Variants in KAT6B observed in about 807,000 individuals in gnomAD.
KAT6B encodes lysine acetyltransferase 6B, also known as histone acetyltransferase KAT6B.
In KAT6B, 10 loss-of-function variants were observed where a neutral mutation model predicts 187.5. The observed-to-expected ratio is 0.05, with a 90% CI of 0.03 to 0.09. The LOEUF is 0.09. KAT6B is among the 10% of genes least tolerant of loss of function. The pLI is 1.00. For missense variants in KAT6B, 1,952 were observed against 2,558.9 expected, an observed-to-expected ratio of 0.76 and a Z score of 5.12; for synonymous variants, 861 against 926.8, an observed-to-expected ratio of 0.93 and a Z score of 1.29.
chr10:75,018,723 G>A (rs1845171969), intron 13 of KAT6B, among the ~76,000 whole-genome samples: 1 of 152,204 alleles, frequency 6.6e-6, no homozygotes, highest in South Asian at 2.1e-4. Context: ...TTTCAGCAAG[G>A]CTGAGAGGAG....
intron 3 of KAT6B, among the ~76,000 whole-genome samples, chr10:74,861,012 C>T (rs1001037377): frequency 6.6e-6 from 1 of 152,152 alleles, no homozygotes; most frequent in Non-Finnish European, 1.5e-5. Context: ...TGGCACATGC[C>T]TGTAATCCCA....
chr10:74,871,878 G>A (rs1225549016), intron 3 of KAT6B, among the ~76,000 whole-genome samples: 3 of 152,164 alleles, frequency 2.0e-5, no homozygotes, highest in Non-Finnish European at 4.4e-5. Context: ...CATGTGTGGT[G>A]TCCTAACTCT....
intron 13 of KAT6B, among the ~76,000 whole-genome samples, chr10:75,014,400 CAT>C (rs1229589476): frequency 6.6e-6 from 1 of 151,992 alleles, no homozygotes; most frequent in Non-Finnish European, 1.5e-5. Flanking sequence ...ATTTGTAAAA[CAT>C]GTAAAATAAT....
intron 3 of KAT6B, among the ~76,000 whole-genome samples, chr10:74,875,354 T>TA: frequency 6.6e-6 from 1 of 152,352 alleles, no homozygotes; most frequent in Non-Finnish European, 1.5e-5. Flanking sequence ...AGCTAGTTCT[T>TA]ATGTGTAGCA....
chr10:74,887,060 C>T (rs1452004683), intron 3 of KAT6B, among the ~76,000 whole-genome samples: 3 of 152,202 alleles, frequency 2.0e-5, no homozygotes, highest in African/African-American at 7.2e-5. Flanking sequence ...TCTCCACCGT[C>T]TCTCTGGGGA....
At chr10:75,007,138 A>C (rs1844263479) in intron 13 of KAT6B, among the ~76,000 whole-genome samples, 1 of 152,128 alleles carries the variant, frequency 6.6e-6, no homozygotes, top group South Asian at 2.1e-4. Context: ...CACCACCACC[A>C]TGAATTAATG....
intron 7 of KAT6B, 31 bp from the exon 8 acceptor site, chr10:74,975,368 T>G: frequency 6.3e-7 from 1 of 1,575,948 alleles, no homozygotes. Flanking sequence ...ATTTATTAAA[T>G]GCTGATACTA....
chr10:75,024,078 T>TTA (rs1174990272), intron 16 of KAT6B: 59 of 152,186 alleles, frequency 3.9e-4, no homozygotes, highest in African/African-American at 1.3e-3. Context: ...TTATGGACAG[T>TTA]CATTTGTGCC....
At chr10:74,943,381 T>C (rs1197650332) in intron 3 of KAT6B, among the ~76,000 whole-genome samples, 1 of 152,200 alleles carries the variant, frequency 6.6e-6, no homozygotes, top group Non-Finnish European at 1.5e-5. Flanking sequence ...GTTACAATGT[T>C]AGTACTTCCC....
intron 11 of KAT6B, chr10:74,982,167 C>T: frequency 2.1e-6 from 1 of 479,342 alleles, no homozygotes. Context: ...CCCCAAAATC[C>T]CTGTCTACAC....
intron 11 of KAT6B, chr10:74,984,448 T>G (rs1380730672): frequency 6.6e-6 from 1 of 152,580 alleles, no homozygotes; most frequent in Non-Finnish European, 1.5e-5. Context: ...CTTGATTCTT[T>G]TATTTTGAAG....
upstream of KAT6B, among the ~76,000 whole-genome samples, chr10:74,826,089 C>T (rs891805795): frequency 6.6e-6 from 1 of 151,822 alleles, no homozygotes; most frequent in African/African-American, 2.4e-5. Context: ...GCGGCCGCCG[C>T]CAGCGATCAG....
intron 3 of KAT6B, among the ~76,000 whole-genome samples, chr10:74,952,998 C>T (rs1840430352): frequency 6.6e-6 from 1 of 151,750 alleles, no homozygotes; most frequent in African/African-American, 2.4e-5. Flanking sequence ...CCGTGCCCAG[C>T]CAGTATTCAT....
intron 3 of KAT6B, among the ~76,000 whole-genome samples, chr10:74,938,396 AGACT>A (rs1441314821): frequency 6.6e-6 from 1 of 152,166 alleles, no homozygotes; most frequent in Non-Finnish European, 1.5e-5. Context: ...CTCCCTACAT[AGACT>A]ACCAGCAGTA....
At chr10:74,876,317 TA>T (rs1844413226) in intron 3 of KAT6B, among the ~76,000 whole-genome samples, 1 of 152,224 alleles carries the variant, frequency 6.6e-6, no homozygotes, top group Non-Finnish European at 1.5e-5. Flanking sequence ...GCAGATTCTT[TA>T]TATAAGTGCT....
At chr10:74,931,048 G>A (rs763250314) in intron 3 of KAT6B, among the ~76,000 whole-genome samples, 7 of 152,134 alleles carry the variant, frequency 4.6e-5, no homozygotes, top group Admixed American at 1.3e-4. Context: ...GAGAACAAGC[G>A]CAATTAAGCA....
chr10:74,999,164 A>G (rs1843653185), intron 13 of KAT6B, among the ~76,000 whole-genome samples: 1 of 152,230 alleles, frequency 6.6e-6, no homozygotes, highest in African/African-American at 2.4e-5. Context: ...GGATGCATGG[A>G]AAAGAGGCAG....
chr10:74,939,049 T>TC (rs1849466289), intron 3 of KAT6B, among the ~76,000 whole-genome samples: 1 of 130,306 alleles, frequency 7.7e-6, no homozygotes, highest in African/African-American at 3.6e-5. Context: ...TTTATTTTCT[T>TC]AACACACACA....
In KAT6B at chr10:75,030,176, C is replaced by T. The variant is rs777324527; in HGVS notation, c.5352C>T (p.Ile1784=). ...NFTPPMQLAE[I]PETSNANIGL... The stretch of plus-strand genomic sequence containing the variant: ...CCCCACCCATGCAGCTGGCTGAAAT[C>T]CCCGAGACGAGCAACGCCAACATTG... Residue 1784 remains isoleucine (I), a synonymous_variant, in exon 18 of 18, where the codon ATC becomes ATT. Transcript: ENST00000287239. The surrounding 1 kb of genome is among the most constrained non-coding windows in gnomAD (Gnocchi z 4.8). The T allele has an allele frequency of 6.2e-7, 1 of 1,614,232 alleles. No individual in the cohort carries two copies. Among genetic ancestry groups the T allele is most frequent in the Non-Finnish European group, 8.5e-7 (1 of 1,180,046 alleles).
Sources: gnomAD v4.1 joint callset for allele counts (sites outside exome capture counted in the v4.1 genomes callset) on GRCh38, gnomAD v4.1.1 for gene constraint, Gnocchi (gnomAD v3.1) non-coding constraint, MANE v1.5 for transcripts, NCBI Gene and HGNC (gene_info 2026-07-23, HGNC 2026-07-21) for gene names.